Variants in CPT1A observed in about 807,000 individuals in gnomAD.
The protein encoded by CPT1A is carnitine O-palmitoyltransferase 1, liver isoform.
CPT1A carries 64 observed loss-of-function variants against 100.8 expected under a neutral mutation model. The observed-to-expected ratio is 0.63, with a 90% CI of 0.52 to 0.78. CPT1A has a LOEUF of 0.78. CPT1A is among the 30% of genes least tolerant of loss of function. The pLI is 0.00. For synonymous variants in CPT1A, 363 were observed against 396.0 expected (o/e 0.92, Z 0.99); for missense variants, 802 against 1,034.1 (o/e 0.78, Z 3.08).
chr11:68,761,687 C>G lies in CPT1A; in HGVS notation c.1876G>C (p.Val626Leu), dbSNP rs41302429. ...TTGAACAACTTCAGCCTCTGTTCCA[C>G]CTGAGTGACAAAAGGTGGGAAGGAC... is the stretch of plus-strand genomic sequence containing the variant. The part of the protein sequence containing the change: ...VRAMVDPAQT[V>L]EQRLKLFKLA... The change falls in exon 16 of 19, where the codon GTG becomes CTG. Residue 626 changes from valine (V) to leucine (L), a missense_variant and splice_region_variant. By Grantham distance (32) the Val-to-Leu change is conservative. Transcript: ENST00000265641. The G allele has an allele frequency of 2.7e-4, 432 of 1,614,170 alleles. No individual in the cohort carries two copies. The highest frequency in any genetic ancestry group is 3.2e-4 in the Non-Finnish European group (374 of 1,180,018).
chr11:68,784,833 G>A lies in CPT1A; in HGVS notation c.1145C>T (p.Ala382Val), dbSNP rs752483676. Residue 382 changes from alanine (A) to valine (V), a missense_variant, in exon 10 of 19, where the codon GCC becomes GTC. Transcript: ENST00000265641. ...TGCGCACCTGTCTCCTGCGGTGAGG[G>A]CTGCCAGCCTGGCCTCCCCGGGCTG... ...EPQPGEARLAALTAGDRVPWA... is the reference protein window; with the variant it reads ...EPQPGEARLAVLTAGDRVPWA... 2 of 1,611,018 alleles carry A rather than the reference G, an allele frequency of 1.2e-6. No individual in the cohort carries two copies.
intron 1 of CPT1A, among the ~76,000 whole-genome samples, chr11:68,838,571 TTA>T (rs1491205042): frequency 5.4e-5 from 4 of 74,210 alleles, no homozygotes; most frequent in East Asian, 5.7e-4. Context: ...CTGCACCTTT[TTA>T]AAAAAAAAAA....
intron 16 of CPT1A, 88 bp downstream of exon 16, chr11:68,761,447 C>T (rs1854613192): frequency 1.3e-5 from 19 of 1,464,224 alleles, no homozygotes; most frequent in Non-Finnish European, 1.8e-5. Flanking sequence ...CCCATTCTGA[C>T]ATTAAAATAT....
At chr11:68,837,648 C>T (rs1235166406) in intron 1 of CPT1A, among the ~76,000 whole-genome samples, 1 of 152,094 alleles carries the variant, frequency 6.6e-6, no homozygotes, top group African/African-American at 2.4e-5. Context: ...CAGTGCCCCT[C>T]GTCAGGCGGT....
At chr11:68,804,548 A>G (rs1855993246) in intron 4 of CPT1A, among the ~76,000 whole-genome samples, 1 of 151,574 alleles carries the variant, frequency 6.6e-6, no homozygotes, top group South Asian at 2.1e-4. Context: ...TGATCATACC[A>G]CTGCACTCCA....
At chr11:68,794,555 C>A (rs1286929736) in intron 8 of CPT1A, among the ~76,000 whole-genome samples, 1 of 152,136 alleles carries the variant, frequency 6.6e-6, no homozygotes, top group Non-Finnish European at 1.5e-5. Context: ...GGATTACAGG[C>A]GCGTGCCAGC....
chr11:68,829,161 C>T (rs1856818340), intron 1 of CPT1A, among the ~76,000 whole-genome samples: 1 of 152,196 alleles, frequency 6.6e-6, no homozygotes, highest in African/African-American at 2.4e-5. Context: ...GGGGTGTTCA[C>T]TCCAGTCCCC....
intron 1 of CPT1A, among the ~76,000 whole-genome samples, chr11:68,821,888 CT>C (rs1330023664): frequency 6.6e-6 from 1 of 152,102 alleles, no homozygotes. Flanking sequence ...GTAAGACTGC[CT>C]CCTGTGGCCA....
chr11:68,804,121 T>C lies in CPT1A; in HGVS notation c.454-20A>G. ...CATACCCTGAAGAGAGAGAATTATATTTTCAGACTACTGCCATACTACTCT... is the reference window on the plus strand; with the variant it reads ...CATACCCTGAAGAGAGAGAATTATACTTTCAGACTACTGCCATACTACTCT... On this transcript the variant is annotated intron_variant, in intron 4 of 18. Transcript: ENST00000265641. The C allele has an allele frequency of 1.3e-6, 2 of 1,581,812 alleles. No individual in the cohort carries two copies. Among genetic ancestry groups the C allele is most frequent in the Non-Finnish European group, 1.7e-6 (2 of 1,150,698 alleles).
chr11:68,800,227 G>A (rs1441417042), intron 5 of CPT1A, among the ~76,000 whole-genome samples: 4 of 152,132 alleles, frequency 2.6e-5, no homozygotes, highest in African/African-American at 7.2e-5. Flanking sequence ...CCCCCACCCC[G>A]CCTCGTCCTT....
At chr11:68,786,053 T>A (rs1855455240) in intron 9 of CPT1A, 5 of 702,116 alleles carry the variant, frequency 7.1e-6, no homozygotes, top group Middle Eastern at 2.3e-4. Flanking sequence ...GGAAGACAAA[T>A]AAATGCATGA....
At chr11:68,770,887 G>A (rs1349234879) in intron 14 of CPT1A, among the ~76,000 whole-genome samples, 1 of 152,198 alleles carries the variant, frequency 6.6e-6, no homozygotes, top group Non-Finnish European at 1.5e-5. Context: ...GAACAAGCCT[G>A]CCTGCTTCCG....
At chr11:68,788,538 G>A (rs1855524554) in intron 9 of CPT1A, among the ~76,000 whole-genome samples, 2 of 149,546 alleles carry the variant, frequency 1.3e-5, no homozygotes, top group African/African-American at 4.9e-5. Flanking sequence ...GGTGCGGTTT[G>A]CAGTGAGCCA....
intron 1 of CPT1A, among the ~76,000 whole-genome samples, chr11:68,820,708 G>A (rs61887067): frequency 0.25 from 37,255 of 151,844 alleles, 5,855 homozygotes; most frequent in Admixed American, 0.46. Context: ...CATAGTTTTC[G>A]ATTGTGCAGC....
intron 4 of CPT1A, among the ~76,000 whole-genome samples, chr11:68,805,358 A>G (rs1026524052): frequency 1.6e-4 from 25 of 151,800 alleles, no homozygotes; most frequent in African/African-American, 6.1e-4. Context: ...GGCTGAGGTG[A>G]GAGAATCGCT....
chr11:68,830,242 C>T (rs1179471613), intron 1 of CPT1A, among the ~76,000 whole-genome samples: 1 of 152,098 alleles, frequency 6.6e-6, no homozygotes, highest in East Asian at 1.9e-4. Flanking sequence ...TGTGCCACTG[C>T]ACTCCAGCCT....
rs1453963517 is a variant in CPT1A, at chr11:68,826,611, G to A, written c.-13-11124C>T. Among the ~76,000 whole-genome samples the A allele has an allele frequency of 4.6e-5, 7 of 151,518 alleles. No homozygotes were observed. In the Middle Eastern group the frequency reaches 0.01, roughly 221 times the overall value. ...AAATTAGCCGGGCGTGGTGGCGGGC[G>A]CCTGTAGTCCCAGCTACTCGGGAGG... On this transcript the variant is annotated intron_variant, in intron 1 of 18. Coordinates refer to ENST00000265641, the MANE Select transcript of CPT1A (RefSeq NM_001876.4).
At chr11:68,762,957 C>T (rs550931590) in intron 14 of CPT1A, among the ~76,000 whole-genome samples, 196 bp from the exon 15 acceptor site, 3 of 152,232 alleles carry the variant, frequency 2.0e-5, no homozygotes, top group South Asian at 2.1e-4. Flanking sequence ...CCCCCTGCTC[C>T]GGTGATCCCC....
At chr11:68,769,343 C>A (rs1430926747) in intron 14 of CPT1A, among the ~76,000 whole-genome samples, 1 of 152,114 alleles carries the variant, frequency 6.6e-6, no homozygotes, top group African/African-American at 2.4e-5. Context: ...CTCAAGTGAT[C>A]CTCCCACCTT....
Sources: gnomAD v4.1 joint callset for allele counts (sites outside exome capture counted in the v4.1 genomes callset) on GRCh38, gnomAD v4.1.1 for gene constraint, MANE v1.5 for transcripts, NCBI Gene and HGNC (gene_info 2026-07-23, HGNC 2026-07-21) for gene names.